The following APBB2 variants were observed in gnomAD, a reference collection of about 807,000 sequenced individuals.
APBB2 encodes Fe65-like 1.
In APBB2, 38 loss-of-function variants were observed where a neutral mutation model predicts 82.5. The ratio of observed to expected loss-of-function variants is 0.46; its 90% CI spans 0.36 to 0.60. The LOEUF is 0.60. APBB2 is among the 20% of genes least tolerant of loss of function. The pLI is 0.00. For synonymous variants in APBB2, 341 were observed against 368.2 expected (o/e 0.93, Z 0.85); for missense variants, 772 against 972.3 (o/e 0.79, Z 2.74).
At chr4:40,851,956 T>C (rs1220355232) in intron 12 of APBB2, among the ~76,000 whole-genome samples, 1 of 152,110 alleles carries the variant, frequency 6.6e-6, no homozygotes, top group Non-Finnish European at 1.5e-5. Flanking sequence ...GCAAAGTTAC[T>C]AAGAAAGTTA....
At chr4:40,918,767 T>TTG (rs1553858047) in intron 10 of APBB2, among the ~76,000 whole-genome samples, 6,666 of 149,342 alleles carry the variant, frequency 0.045, 506 homozygotes, top group African/African-American at 0.15. Context: ...CTGTTTTTTT[T>TTG]TTTGTTTGTT....
In APBB2 at chr4:41,076,415, G is replaced by A. The variant is rs6827687; in HGVS notation, c.-148-10742C>T. On this transcript the variant is annotated intron_variant, in intron 3 of 17. Coordinates refer to ENST00000508593, the MANE Select transcript of APBB2 (RefSeq NM_004307.2). Reference sequence around the variant, plus strand: ...GTTAAGCTTGAGAAGATCTGCACTCGGGGACACTAGGAACAGTGACCAGGT... The same window carrying A: ...GTTAAGCTTGAGAAGATCTGCACTCAGGGACACTAGGAACAGTGACCAGGT... Among the ~76,000 whole-genome samples, 641 of 152,202 alleles carry A rather than the reference G, an allele frequency of 4.2e-3. 4 individuals carry two copies. Among genetic ancestry groups the A allele is most frequent in the African/African-American group, 0.015 (604 of 41,528 alleles).
At chr4:40,908,783 C>G (rs563310466) in intron 10 of APBB2, among the ~76,000 whole-genome samples, 106 of 152,272 alleles carry the variant, frequency 7.0e-4, no homozygotes, top group Non-Finnish European at 9.3e-4. Context: ...TACCTCAGAG[C>G]CGACAATGGG....
At chr4:40,934,321 G>T in intron 10 of APBB2, 135 bp downstream of exon 10, 1 of 851,580 alleles carries the variant, frequency 1.2e-6, no homozygotes, top group East Asian at 2.5e-5. Flanking sequence ...AGGGAGATTA[G>T]GAAAGAGAAA....
chr4:41,138,527 T>C (rs1233918775), intron 2 of APBB2, among the ~76,000 whole-genome samples: 1 of 151,892 alleles, frequency 6.6e-6, no homozygotes, highest in African/African-American at 2.4e-5. Context: ...CAACCCAATA[T>C]AAAAATGGGC....
intron 12 of APBB2, among the ~76,000 whole-genome samples, chr4:40,873,983 C>G (rs1766216654): frequency 6.6e-6 from 1 of 152,044 alleles, no homozygotes; most frequent in South Asian, 2.1e-4. Context: ...TATTTCCTTC[C>G]CAAAAGAATT....
At chr4:40,866,741 A>G (rs1238634115) in intron 12 of APBB2, among the ~76,000 whole-genome samples, 1 of 152,078 alleles carries the variant, frequency 6.6e-6, no homozygotes, top group African/African-American at 2.4e-5. Flanking sequence ...TTTTTGAGAC[A>G]GAGTCTCGCT....
chr4:40,902,494 A>AG (rs1775592520), intron 10 of APBB2, among the ~76,000 whole-genome samples: 7 of 152,164 alleles, frequency 4.6e-5, no homozygotes, highest in Admixed American at 4.6e-4. Flanking sequence ...GGACTGAATG[A>AG]CTTGTGAAAG....
chr4:41,095,339 G>A (rs1743135568), intron 3 of APBB2, among the ~76,000 whole-genome samples: 1 of 152,208 alleles, frequency 6.6e-6, no homozygotes, highest in South Asian at 2.1e-4. Flanking sequence ...GCAGCCTGCA[G>A]TCCCAGATCT....
At chr4:41,071,596 G>A (rs943021387) in intron 3 of APBB2, among the ~76,000 whole-genome samples, 1 of 152,016 alleles carries the variant, frequency 6.6e-6, no homozygotes. Context: ...CAGGAGAATC[G>A]CTTGAACCCG....
chr4:40,997,192 T>C (rs556149047), intron 6 of APBB2, among the ~76,000 whole-genome samples: 4 of 152,202 alleles, frequency 2.6e-5, no homozygotes, highest in Non-Finnish European at 5.9e-5. Context: ...AAGTTTAGTG[T>C]GTCGGGGAGA....
chr4:40,910,069 C>G (rs945647811), intron 10 of APBB2, among the ~76,000 whole-genome samples: 1 of 151,896 alleles, frequency 6.6e-6, no homozygotes, highest in Non-Finnish European at 1.5e-5. Flanking sequence ...GGTCTCCTGC[C>G]GCATCCTCCC....
At chr4:40,934,317 A>G (rs2154375210) in intron 10 of APBB2, 139 bp downstream of exon 10, 1 of 809,252 alleles carries the variant, frequency 1.2e-6, no homozygotes, top group East Asian at 2.5e-5. Flanking sequence ...TGTCAGGGAG[A>G]TTAGGAAAGA....
intron 3 of APBB2, among the ~76,000 whole-genome samples, chr4:41,088,159 T>A (rs1740468134): frequency 6.6e-6 from 1 of 152,242 alleles, no homozygotes; most frequent in Admixed American, 6.5e-5. Flanking sequence ...AGGTACTTGA[T>A]GTCTCCAAGG....
intron 5 of APBB2, among the ~76,000 whole-genome samples, chr4:41,027,779 A>G (rs1715047136): frequency 6.6e-6 from 1 of 152,270 alleles, no homozygotes; most frequent in Admixed American, 6.5e-5. Context: ...GGAATGAATA[A>G]CCAAAATGCC....
Position 40,812,776 on chromosome 4 carries a change from C to A in APBB2, c.*3316G>T, listed in dbSNP as rs1320143323. 1 of 152,212 alleles carries A rather than the reference C, an allele frequency of 6.6e-6. No individual in the cohort carries two copies. Among genetic ancestry groups the A allele is most frequent in the African/African-American group, 2.4e-5 (1 of 41,448 alleles). The allele number at this position is 152,212 out of a possible 1,614,324, so 9.4% of individuals were successfully genotyped here. ...GATTTAAAAAGAAGTAGCAGTGCCA[C>A]AGTTTATCACCAAGAACTTATTTTA... On this transcript the variant is annotated 3_prime_UTR_variant, in exon 18 of 18. Coordinates refer to ENST00000508593, the MANE Select transcript of APBB2 (RefSeq NM_004307.2).
At chr4:40,995,889 T>C (rs1683343991) in intron 6 of APBB2, among the ~76,000 whole-genome samples, 1 of 152,088 alleles carries the variant, frequency 6.6e-6, no homozygotes, top group South Asian at 2.1e-4. Flanking sequence ...AGGCTGGTGT[T>C]GAACTCCTGG....
intron 3 of APBB2, among the ~76,000 whole-genome samples, chr4:41,093,984 G>A (rs1313197372): frequency 6.6e-6 from 1 of 152,058 alleles, no homozygotes; most frequent in Non-Finnish European, 1.5e-5. Context: ...ACTCCAGCAG[G>A]CACCAAACAA....
intron 1 of APBB2, among the ~76,000 whole-genome samples, chr4:41,161,821 A>G (rs2154040415): frequency 6.6e-6 from 1 of 152,300 alleles, no homozygotes; most frequent in East Asian, 1.9e-4. Context: ...TTCTTTAAAA[A>G]CAAAACCCAT....
Sources: gnomAD v4.1 joint callset for allele counts (sites outside exome capture counted in the v4.1 genomes callset) on GRCh38, gnomAD v4.1.1 for gene constraint, MANE v1.5 for transcripts, NCBI Gene and HGNC (gene_info 2026-07-23, HGNC 2026-07-21) for gene names.